TXNDC16: variants seen among roughly 807,000 people sequenced by gnomAD.
The protein encoded by TXNDC16 is thioredoxin domain containing 16, also known as thioredoxin domain-containing protein 16.
In TXNDC16, 74 loss-of-function variants were observed where a neutral mutation model predicts 85.6. The ratio of observed to expected loss-of-function variants is 0.86; its 90% CI spans 0.72 to 1.05. The LOEUF (loss-of-function observed/expected upper bound fraction) is 1.05, where lower values mean the gene tolerates loss of function less well. Ranked by LOEUF, TXNDC16 falls within the 50% of genes least tolerant of loss-of-function variation. The pLI is 0.00. For synonymous variants in TXNDC16, 335 were observed against 326.5 expected (o/e 1.03, Z -0.28); for missense variants, 959 against 947.0 (o/e 1.01, Z -0.17).
chr14:52,530,262 ATATATATTATTATT>A (rs1566581891), intron 6 of TXNDC16, among the ~76,000 whole-genome samples: 3 of 53,580 alleles, frequency 5.6e-5, no homozygotes, highest in South Asian at 5.4e-4. Flanking sequence ...ATATTATATA[ATATATATTATTATT>A]TAATATATAA....
chr14:52,501,698 C>A (rs908454889), intron 9 of TXNDC16, among the ~76,000 whole-genome samples: 1 of 152,194 alleles, frequency 6.6e-6, no homozygotes, highest in East Asian at 1.9e-4. Flanking sequence ...TGGGACCTCT[C>A]TATCTCATTC....
At chr14:52,546,186 C>G (rs1347191611) in intron 1 of TXNDC16, among the ~76,000 whole-genome samples, 1 of 152,008 alleles carries the variant, frequency 6.6e-6, no homozygotes, top group East Asian at 1.9e-4. Flanking sequence ...ACCAGGGAAG[C>G]TAAGTCGGGA....
intron 16 of TXNDC16, among the ~76,000 whole-genome samples, 179 bp from the exon 17 acceptor site, chr14:52,457,353 T>C (rs1331348134): frequency 2.6e-5 from 4 of 152,182 alleles, no homozygotes; most frequent in African/African-American, 7.2e-5. Context: ...CTTTATGACA[T>C]GGGATTACTA....
At chr14:52,448,576 G>A in intron 18 of TXNDC16, among the ~76,000 whole-genome samples, 1 of 152,020 alleles carries the variant, frequency 6.6e-6, no homozygotes, top group Non-Finnish European at 1.5e-5. Flanking sequence ...ACACTAATGA[G>A]CAATAAAAAT....
chr14:52,474,460 A>AGG (rs1309239381), intron 14 of TXNDC16, among the ~76,000 whole-genome samples: 3 of 152,212 alleles, frequency 2.0e-5, no homozygotes. Context: ...AAATGATTAG[A>AGG]GGCTGGGCGC....
intron 6 of TXNDC16, among the ~76,000 whole-genome samples, chr14:52,529,684 A>G (rs1265475550): frequency 9.0e-6 from 1 of 111,526 alleles, no homozygotes; most frequent in Non-Finnish European, 1.7e-5. Context: ...TAATATATAT[A>G]ATGCCTATTA....
At chr14:52,520,536 G>C (rs2037186199) in intron 6 of TXNDC16, among the ~76,000 whole-genome samples, 2 of 152,094 alleles carry the variant, frequency 1.3e-5, no homozygotes, top group South Asian at 4.1e-4. Flanking sequence ...CATGAACCCG[G>C]GAGGAGGAGT....
At chr14:52,469,925 A>G in intron 16 of TXNDC16, 112 bp downstream of exon 16, 4 of 1,070,692 alleles carry the variant, frequency 3.7e-6, no homozygotes, top group Non-Finnish European at 5.2e-6. Context: ...TTTTCTTCAA[A>G]CTTCTCCATA....
intron 14 of TXNDC16, among the ~76,000 whole-genome samples, chr14:52,481,974 T>C (rs753393246): frequency 5.9e-5 from 9 of 152,122 alleles, no homozygotes; most frequent in South Asian, 2.1e-4. Flanking sequence ...CCAAAAAGGT[T>C]GTTGTATTAA....
At position 52,494,598 on chromosome 14, in the gene TXNDC16, G is replaced by A. The variant is rs568772458; in HGVS notation, c.757-3593C>T. Among the ~76,000 whole-genome samples the A allele has an allele frequency of 4.0e-3, 602 of 152,166 alleles. 6 individuals carry two copies. The highest frequency in any genetic ancestry group is 0.014 in the African/African-American group (572 of 41,526). On this transcript the variant is annotated intron_variant, in intron 9 of 20. Transcript: ENST00000281741. ...GTAATTAGTAATTCAGTATTATAAA[G>A]CAAAAAGGAGGAATAGTCAGTAAGG...
At chr14:52,516,908 T>C (rs776191524) in intron 7 of TXNDC16, among the ~76,000 whole-genome samples, 2 of 152,118 alleles carry the variant, frequency 1.3e-5, no homozygotes, top group Non-Finnish European at 2.9e-5. Context: ...CCTGTCATAA[T>C]CCTTGGGAAT....
At chr14:52,451,416 T>C (rs1364660301) in intron 18 of TXNDC16, among the ~76,000 whole-genome samples, 6 of 152,056 alleles carry the variant, frequency 3.9e-5, no homozygotes, top group Admixed American at 1.3e-4. Context: ...GCCAATATCA[T>C]TGATGAATAT....
At chr14:52,516,759 C>A (rs1174488159) in intron 7 of TXNDC16, among the ~76,000 whole-genome samples, 2 of 152,046 alleles carry the variant, frequency 1.3e-5, no homozygotes, top group African/African-American at 4.8e-5. Context: ...ACTCTCCTAG[C>A]ACTTGAACTG....
At chr14:52,465,331 G>A (rs751361732) in intron 16 of TXNDC16, among the ~76,000 whole-genome samples, 12 of 152,102 alleles carry the variant, frequency 7.9e-5, no homozygotes, top group Non-Finnish European at 1.6e-4. Flanking sequence ...AGTGGCTCAC[G>A]CCTGCAATGC....
Position 52,531,366 on chromosome 14 carries a change from T to C in TXNDC16, c.392+5353A>G. ...ACTTAGGACCACACAAAAACCTAAA[T>C]ATGGATGTTAATAGCAACTTCATTT... On this transcript the variant is annotated intron_variant, in intron 6 of 20. Transcript: ENST00000281741. 1.3e-5 allele frequency among the ~76,000 whole-genome samples: 2 copies of C among 152,142 alleles called. 1 individual carries two copies. Among genetic ancestry groups the C allele is most frequent in the South Asian group, 4.1e-4 (2 of 4,828 alleles).
At chr14:52,541,272 T>A (rs985891268) in intron 4 of TXNDC16, among the ~76,000 whole-genome samples, 2 of 152,074 alleles carry the variant, frequency 1.3e-5, no homozygotes, top group Non-Finnish European at 1.5e-5. Flanking sequence ...GTTATGTTCG[T>A]CCATAAGGGC....
intron 13 of TXNDC16, among the ~76,000 whole-genome samples, 188 bp from the exon 14 acceptor site, chr14:52,482,477 T>C (rs545149248): frequency 5.3e-5 from 8 of 152,238 alleles, no homozygotes; most frequent in African/African-American, 1.9e-4. Flanking sequence ...TTTTCCGCAC[T>C]TGTACTGCAA....
At chr14:52,535,637 A>T (rs2037682407) in intron 6 of TXNDC16, among the ~76,000 whole-genome samples, 1 of 152,172 alleles carries the variant, frequency 6.6e-6, no homozygotes, top group Non-Finnish European at 1.5e-5. Flanking sequence ...CTCTGTTACC[A>T]AAGAGAATAT....
At chr14:52,543,260 C>T (rs2037871747) in intron 3 of TXNDC16, 138 bp downstream of exon 3, 2 of 971,948 alleles carry the variant, frequency 2.1e-6, no homozygotes, top group African/African-American at 3.4e-5. Context: ...GGGCCGGATT[C>T]AAACCCAGTC....
Sources: allele counts gnomAD v4.1 joint callset (sites outside exome capture counted in the v4.1 genomes callset), GRCh38; gene constraint gnomAD v4.1.1; transcripts MANE v1.5; gene names NCBI Gene and HGNC (gene_info 2026-07-23, HGNC 2026-07-21).